The following CACNA2D3 variants were observed in gnomAD, a reference collection of about 807,000 sequenced individuals.
CACNA2D3 encodes calcium voltage-gated channel auxiliary subunit alpha2delta 3, also known as voltage-dependent calcium channel subunit alpha-2/delta-3.
Under a neutral mutation model 160.6 loss-of-function variants are expected in CACNA2D3, and 60 were observed. The ratio of observed to expected loss-of-function variants is 0.37; its 90% confidence interval spans 0.30 to 0.46. The LOEUF (loss-of-function observed/expected upper bound fraction) is 0.46, where lower values mean the gene tolerates loss of function less well. Among genes scored for constraint, CACNA2D3 ranks in the 20% least tolerant of loss-of-function variants. The pLI, the probability that CACNA2D3 is intolerant of heterozygous loss-of-function variation, is 1.00. For missense variants in CACNA2D3, 1,205 were observed against 1,365.0 expected (o/e 0.88, Z 1.85); for synonymous variants, 558 against 492.9 (o/e 1.13, Z -1.75).
chr3:54,871,521 T>C lies in CACNA2D3; in HGVS notation c.1627-18T>C. The stretch of plus-strand genomic sequence containing the variant: ...CGGACTTTTGTTTTTCTTTTCTTTT[T>C]CTTCTTCCCCTTGCTAGTACGAAGA... On this transcript the variant is annotated intron_variant, in intron 17 of 37. Transcript: ENST00000474759. 1 of 1,595,176 alleles carries C rather than the reference T, an allele frequency of 6.3e-7. No individual in the cohort carries two copies. Among genetic ancestry groups the C allele is most frequent in the Non-Finnish European group, 8.6e-7 (1 of 1,164,156 alleles).
chr3:54,650,853 A>T (rs548501733), intron 11 of CACNA2D3, among the ~76,000 whole-genome samples: 1 of 152,188 alleles, frequency 6.6e-6, no homozygotes, highest in Non-Finnish European at 1.5e-5. Flanking sequence ...TTATAAACCA[A>T]TACTAATGAT....
intron 35 of CACNA2D3, among the ~76,000 whole-genome samples, chr3:55,036,082 C>T (rs1559470204): frequency 6.6e-6 from 1 of 152,226 alleles, no homozygotes; most frequent in Non-Finnish European, 1.5e-5. Context: ...AAGGTAGTGA[C>T]TGTGCCAAGG....
At chr3:54,265,715 T>TAC (rs1425324066) in intron 2 of CACNA2D3, among the ~76,000 whole-genome samples, 14 of 150,604 alleles carry the variant, frequency 9.3e-5, no homozygotes, top group East Asian at 2.0e-4. Flanking sequence ...TGTGTTTATA[T>TAC]ACGCACACAC....
chr3:54,883,905 A>G (rs1207551150), intron 21 of CACNA2D3, among the ~76,000 whole-genome samples: 1 of 149,614 alleles, frequency 6.7e-6, no homozygotes, highest in Non-Finnish European at 1.5e-5. Flanking sequence ...AGCCCTTGCT[A>G]CCATCTGATA....
chr3:54,807,063 T>A (rs555408223), intron 13 of CACNA2D3, among the ~76,000 whole-genome samples: 1 of 152,160 alleles, frequency 6.6e-6, no homozygotes, highest in African/African-American at 2.4e-5. Context: ...TCAAGATAGA[T>A]TAAAGACTTA....
intron 27 of CACNA2D3, chr3:54,918,878 C>T (rs763454373): frequency 6.5e-6 from 10 of 1,542,192 alleles, no homozygotes; most frequent in Admixed American, 4.0e-5. Flanking sequence ...CAGATGATGC[C>T]GTCTGTTAGT....
At chr3:54,292,199 A>G (rs1381554537) in intron 2 of CACNA2D3, among the ~76,000 whole-genome samples, 4 of 152,232 alleles carry the variant, frequency 2.6e-5, no homozygotes, top group Admixed American at 6.5e-5. Context: ...CAAAGGCCCA[A>G]ATTTAAGAGC....
intron 27 of CACNA2D3, among the ~76,000 whole-genome samples, chr3:54,903,758 T>C (rs1388092994): frequency 1.3e-5 from 2 of 152,222 alleles, no homozygotes; most frequent in East Asian, 3.9e-4. Context: ...TTCTGACTGG[T>C]GTGAGATGAT....
At chr3:54,878,112 A>G (rs1182012044) in intron 18 of CACNA2D3, among the ~76,000 whole-genome samples, 1 of 152,186 alleles carries the variant, frequency 6.6e-6, no homozygotes, top group African/African-American at 2.4e-5. Context: ...CCTCGAATCA[A>G]ATTTAGGTTG....
intron 5 of CACNA2D3, among the ~76,000 whole-genome samples, chr3:54,522,936 AC>A (rs1161393242): frequency 0.02 from 2,704 of 134,226 alleles, 68 homozygotes; most frequent in East Asian, 0.1. Context: ...TTATTTATTT[AC>A]TTACTTACTT....
chr3:54,127,101 G>C (rs1699609654), intron 2 of CACNA2D3, among the ~76,000 whole-genome samples: 1 of 152,116 alleles, frequency 6.6e-6, no homozygotes, highest in Non-Finnish European at 1.5e-5. Context: ...ATAGGAGCTG[G>C]GTTTTTCATT....
chr3:54,859,972 G>GCGCGCACA (rs535185040), intron 17 of CACNA2D3, among the ~76,000 whole-genome samples: 16,347 of 133,714 alleles, frequency 0.12, 1,217 homozygotes, highest in Admixed American at 0.2. Flanking sequence ...GAAAGTAGAT[G>GCGCGCACA]CACACACACA....
In CACNA2D3 at chr3:54,489,153, G is replaced by A. The variant is rs143444082; in HGVS notation, c.382-14339G>A. On this transcript the variant is annotated intron_variant, in intron 4 of 37. Transcript: ENST00000474759. ...CAGAGTGAGCAGGGCCTCATCAGCCGTGCTAAGGATCTTGTCTTGTGTCCT... is the reference window on the plus strand; with the variant it reads ...CAGAGTGAGCAGGGCCTCATCAGCCATGCTAAGGATCTTGTCTTGTGTCCT... 5.4e-3 allele frequency among the ~76,000 whole-genome samples: 823 copies of A among 152,318 alleles called. 3 individuals carry two copies. Among genetic ancestry groups the A allele is most frequent in the Non-Finnish European group, 9.2e-3 (626 of 68,022 alleles).
intron 4 of CACNA2D3, among the ~76,000 whole-genome samples, chr3:54,396,636 T>G (rs1490415992): frequency 2.0e-5 from 1 of 49,280 alleles, no homozygotes; most frequent in Non-Finnish European, 3.8e-5. Context: ...TTGCATATAT[T>G]GAACCAGCCT....
intron 2 of CACNA2D3, among the ~76,000 whole-genome samples, chr3:54,146,321 C>T (rs545478794): frequency 6.6e-6 from 1 of 152,344 alleles, no homozygotes; most frequent in African/African-American, 2.4e-5. Context: ...TGACCTTGGC[C>T]TCTAGTTCCC....
chr3:54,831,592 A>G (rs1349017471), intron 14 of CACNA2D3, among the ~76,000 whole-genome samples: 2 of 152,220 alleles, frequency 1.3e-5, no homozygotes, highest in African/African-American at 2.4e-5. Context: ...CTTTTATACC[A>G]TCATAAAGAG....
At chr3:54,933,060 CCTTCCTTCCTTCCTT>C (rs1701237562) in intron 27 of CACNA2D3, among the ~76,000 whole-genome samples, 1 of 7,594 alleles carries the variant, frequency 1.3e-4, no homozygotes, top group Non-Finnish European at 2.5e-4. Context: ...TCCCTTCCTT[CCTTCCTTCCTTCCTT>C]CCTTCCTTCC....
At chr3:54,460,883 G>C (rs1280335732) in intron 4 of CACNA2D3, among the ~76,000 whole-genome samples, 1 of 152,154 alleles carries the variant, frequency 6.6e-6, no homozygotes, top group Non-Finnish European at 1.5e-5. Context: ...TCCAGTTTTT[G>C]CCCATTCAGT....
intron 4 of CACNA2D3, among the ~76,000 whole-genome samples, chr3:54,393,349 GT>G (rs1699315405): frequency 6.6e-6 from 1 of 152,184 alleles, no homozygotes; most frequent in South Asian, 2.1e-4. Context: ...ACTGTGTCCT[GT>G]CCCCTGTGAC....
Sources: allele counts gnomAD v4.1 joint callset (sites outside exome capture counted in the v4.1 genomes callset), GRCh38; gene constraint gnomAD v4.1.1; transcripts MANE v1.5; gene names NCBI Gene and HGNC (gene_info 2026-07-23, HGNC 2026-07-21).